FHIT: variants seen among roughly 807,000 people sequenced by gnomAD.
The protein encoded by FHIT is fragile histidine triad diadenosine triphosphatase.
A neutral mutation model predicts 17.9 loss-of-function variants in FHIT; 19 were observed. The observed-to-expected ratio is 1.06, with a 90% CI of 0.74 to 1.56. The LOEUF (loss-of-function observed/expected upper bound fraction) is 1.56. Ranked by LOEUF, FHIT falls within the 40% of genes most tolerant of loss-of-function variation. FHIT has a pLI of 0.00. For synonymous variants in FHIT, 81 were observed against 69.7 expected (o/e 1.16, Z -0.81); for missense variants, 248 against 189.2 (o/e 1.31, Z -1.82).
At chr3:61,227,171 A>G (rs2039991773) in intron 1 of FHIT, among the ~76,000 whole-genome samples, 1 of 152,208 alleles carries the variant, frequency 6.6e-6, no homozygotes, top group African/African-American at 2.4e-5. Flanking sequence ...GTTTCCTTTC[A>G]AAGAAACCAT....
chr3:60,823,391 A>T (rs781922897), intron 3 of FHIT, among the ~76,000 whole-genome samples: 1 of 152,142 alleles, frequency 6.6e-6, no homozygotes, highest in Non-Finnish European at 1.5e-5. Context: ...ATTGATACAG[A>T]TATAATTATT....
rs1227534090 is a variant in FHIT at position 60,156,415 on chromosome 3, A to T, written c.104-142263T>A. ...AATTGTTTTAAAACTCAGATGTTAT[A>T]GTAGCTTTGCATCGGAGATACAATC... On this transcript the variant is annotated intron_variant, in intron 5 of 9. Transcript: ENST00000492590. 3.3e-5 allele frequency among the ~76,000 whole-genome samples: 5 copies of T among 152,156 alleles called. No individual in the cohort carries two copies. The East Asian group carries it at 7.7e-4, about 24-fold the overall frequency.
At chr3:61,017,602 G>A (rs971720186) in intron 3 of FHIT, among the ~76,000 whole-genome samples, 1 of 152,138 alleles carries the variant, frequency 6.6e-6, no homozygotes, top group African/African-American at 2.4e-5. Flanking sequence ...GCTCACATTA[G>A]ACTCCCTGAA....
chr3:59,821,914 C>T (rs1261162208), intron 8 of FHIT, among the ~76,000 whole-genome samples: 2 of 152,116 alleles, frequency 1.3e-5, no homozygotes, highest in Non-Finnish European at 2.9e-5. Context: ...GAACAGTATA[C>T]ACTGAACCCA....
At chr3:59,933,371 C>T (rs1706067388) in intron 7 of FHIT, among the ~76,000 whole-genome samples, 1 of 152,142 alleles carries the variant, frequency 6.6e-6, no homozygotes, top group South Asian at 2.1e-4. Flanking sequence ...AGTTATAAAA[C>T]TTGCTGCCAT....
At chr3:60,745,379 T>C (rs1553715084) in intron 4 of FHIT, among the ~76,000 whole-genome samples, 1 of 152,044 alleles carries the variant, frequency 6.6e-6, no homozygotes, top group African/African-American at 2.4e-5. Context: ...ACCAGTGAGA[T>C]TGGTGTGGAG....
intron 4 of FHIT, among the ~76,000 whole-genome samples, chr3:60,669,993 A>C (rs954908569): frequency 1.3e-5 from 2 of 152,184 alleles, no homozygotes; most frequent in Non-Finnish European, 2.9e-5. Context: ...TGTGGCACAT[A>C]CTTATCACTG....
intron 4 of FHIT, among the ~76,000 whole-genome samples, chr3:60,607,690 T>C (rs1342660352): frequency 6.6e-6 from 1 of 152,104 alleles, no homozygotes; most frequent in African/African-American, 2.4e-5. Flanking sequence ...TATTCCCTCT[T>C]CTCTGACATC....
intron 2 of FHIT, among the ~76,000 whole-genome samples, chr3:61,066,015 A>C (rs2034597417): frequency 6.6e-6 from 1 of 152,284 alleles, no homozygotes; most frequent in Admixed American, 6.5e-5. Flanking sequence ...GGGAAGCCCA[A>C]GATCAAGGGC....
intron 3 of FHIT, among the ~76,000 whole-genome samples, chr3:60,878,104 C>G (rs9834435): frequency 1.3e-5 from 2 of 151,936 alleles, no homozygotes. Flanking sequence ...TTTCCCAGAG[C>G]TGAGCCAGGG....
chr3:60,737,231 C>T (rs781848630), intron 4 of FHIT, among the ~76,000 whole-genome samples: 2 of 152,148 alleles, frequency 1.3e-5, no homozygotes. Context: ...ACATTATGAG[C>T]CGGATGCATT....
At chr3:60,528,678 TTCTCCCTCTAAAA>T (rs1375587200) in intron 5 of FHIT, among the ~76,000 whole-genome samples, 4 of 152,338 alleles carry the variant, frequency 2.6e-5, no homozygotes, top group East Asian at 1.9e-4. Flanking sequence ...CCATCTGTTT[TTCTCCCTCTAAAA>T]TCTCCCTCTA....
intron 5 of FHIT, among the ~76,000 whole-genome samples, chr3:60,230,681 T>C (rs146138906): frequency 4.3e-4 from 66 of 152,310 alleles, no homozygotes; most frequent in South Asian, 3.1e-3. Flanking sequence ...TGCCTTTTTG[T>C]CCAAAGAATT....
At chr3:60,370,035 G>C (rs758792360) in intron 5 of FHIT, among the ~76,000 whole-genome samples, 1 of 152,168 alleles carries the variant, frequency 6.6e-6, no homozygotes. Flanking sequence ...ATAGACAAAA[G>C]TATCCGCTAT....
chr3:60,754,921 T>C (rs965527684), intron 4 of FHIT, among the ~76,000 whole-genome samples: 1 of 152,200 alleles, frequency 6.6e-6, no homozygotes, highest in South Asian at 2.1e-4. Flanking sequence ...GAAAGTATAT[T>C]AGATTGCAAG....
intron 5 of FHIT, among the ~76,000 whole-genome samples, chr3:60,474,957 C>G: frequency 6.6e-6 from 1 of 152,148 alleles, no homozygotes; most frequent in East Asian, 1.9e-4. Flanking sequence ...AATAGTACTA[C>G]TTAAATCACA....
intron 8 of FHIT, among the ~76,000 whole-genome samples, chr3:59,812,178 G>A (rs953000895): frequency 3.9e-5 from 6 of 152,198 alleles, no homozygotes; most frequent in African/African-American, 1.4e-4. Context: ...GCACACGACA[G>A]TCACTCCTCA....
At chr3:61,121,437 T>C (rs1482776536) in intron 2 of FHIT, among the ~76,000 whole-genome samples, 1 of 152,178 alleles carries the variant, frequency 6.6e-6, no homozygotes, top group East Asian at 1.9e-4. Context: ...GGGGCCAACA[T>C]TTAACATTCT....
intron 3 of FHIT, among the ~76,000 whole-genome samples, chr3:60,985,647 G>A (rs1438352232): frequency 6.6e-6 from 1 of 152,182 alleles, no homozygotes; most frequent in Non-Finnish European, 1.5e-5. Flanking sequence ...TGGAAGACTT[G>A]CTAAACCACA....
Sources: allele counts gnomAD v4.1 joint callset (sites outside exome capture counted in the v4.1 genomes callset), GRCh38; gene constraint gnomAD v4.1.1; transcripts MANE v1.5; gene names NCBI Gene and HGNC (gene_info 2026-07-23, HGNC 2026-07-21).